CROCC2: variants seen among roughly 807,000 people sequenced by gnomAD.
CROCC2 encodes the protein ciliary rootlet coiled-coil protein 2.
In CROCC2, 163 loss-of-function variants were observed where a neutral mutation model predicts 177.6. That is an observed-to-expected ratio of 0.92 (90% CI 0.81 to 1.05). The LOEUF (loss-of-function observed/expected upper bound fraction) is 1.05, where lower values mean the gene tolerates loss of function less well. Ranked by LOEUF, CROCC2 falls within the 50% of genes least tolerant of loss-of-function variation. The pLI is 0.00. For missense variants in CROCC2, 1,929 were observed against 1,797.8 expected, an observed-to-expected ratio of 1.07 and a Z score of -1.32; for synonymous variants, 904 against 787.3, an observed-to-expected ratio of 1.15 and a Z score of -2.48.
At chr2:240,955,480 T>C in intron 18 of CROCC2, 1 of 188,306 alleles carries the variant, frequency 5.3e-6, no homozygotes. Context: ...CTTTCTTCTC[T>C]GCACTGCATC....
At chr2:240,956,746 C>T (rs1306883435) in intron 19 of CROCC2, among the ~76,000 whole-genome samples, 1 of 152,188 alleles carries the variant, frequency 6.6e-6, no homozygotes, top group African/African-American at 2.4e-5. Flanking sequence ...CCTGTGCCTC[C>T]AGCTCATGGG....
At chr2:240,968,059 G>T in intron 26 of CROCC2, 70 bp from the exon 27 acceptor site, 1 of 1,357,944 alleles carries the variant, frequency 7.4e-7, no homozygotes, top group South Asian at 1.8e-5. Context: ...AGTCCACAGA[G>T]CCCTGCATTG....
chr2:240,971,706 TA>T (rs201655904), intron 27 of CROCC2, among the ~76,000 whole-genome samples: 3 of 151,948 alleles, frequency 2.0e-5, no homozygotes, highest in Non-Finnish European at 4.4e-5. Flanking sequence ...CCTTCCACTG[TA>T]AAAAAAACAT....
At chr2:240,913,231 C>A (rs1559587191) in intron 1 of CROCC2, among the ~76,000 whole-genome samples, 2 of 151,080 alleles carry the variant, frequency 1.3e-5, no homozygotes, top group Admixed American at 1.3e-4. Flanking sequence ...CTCCCCCAGA[C>A]CCTGCACAGA....
intron 5 of CROCC2, chr2:240,929,615 A>G: frequency 6.6e-6 from 3 of 454,300 alleles, no homozygotes; most frequent in Non-Finnish European, 1.3e-5. Context: ...ACCCAGTGCT[A>G]GAGGCTTCTA....
intron 14 of CROCC2, among the ~76,000 whole-genome samples, chr2:240,943,482 C>CTTTT (rs374737398): frequency 2.9e-5 from 4 of 136,630 alleles, no homozygotes; most frequent in Non-Finnish European, 3.2e-5. Flanking sequence ...TTAGCTAAAG[C>CTTTT]TTTTTTTTTT....
At chr2:240,983,365 C>G in intron 28 of CROCC2, 7 of 1,296,356 alleles carry the variant, frequency 5.4e-6, no homozygotes, top group Non-Finnish European at 7.0e-6. Flanking sequence ...ATGGAACGAC[C>G]CCGCTCTCAG....
chr2:240,968,136 C>T lies in CROCC2; in HGVS notation c.4275C>T (p.Arg1425=), dbSNP rs1389346602. 1 of 1,485,230 alleles carries T rather than the reference C, an allele frequency of 6.7e-7. No individual in the cohort carries two copies. Among genetic ancestry groups the T allele is most frequent in the Non-Finnish European group, 8.9e-7 (1 of 1,120,382 alleles). 92.0% of individuals were successfully genotyped at this position (1,485,230 alleles called of 1,614,324 possible). A position where few individuals can be genotyped will look rare whatever the true frequency, so the allele number is the denominator to read the frequency against. ...KALAEAEEGQ[R]RVEGALSSAR... ...ACCCTGCTTGCCCCACAGGCCAGCG[C>T]CGGGTGGAGGGCGCGCTGAGCAGCG... Residue 1425 remains arginine, a synonymous_variant, in exon 27 of 32, where the codon CGC becomes CGT. Transcript: ENST00000690015.
At chr2:240,931,600 C>T (rs1267120221) in intron 7 of CROCC2, among the ~76,000 whole-genome samples, 1 of 152,236 alleles carries the variant, frequency 6.6e-6, no homozygotes. Context: ...CCACCACCCA[C>T]ATCGGGGGCT....
chr2:240,932,659 T>G (rs1236510502), intron 8 of CROCC2, 43 bp from the exon 9 acceptor site: 1 of 719,800 alleles, frequency 1.4e-6, no homozygotes, highest in African/African-American at 1.7e-5. Flanking sequence ...ATCATGGCCC[T>G]GTGCTCTGGG....
chr2:240,944,959 G>C (rs539222816), intron 14 of CROCC2, among the ~76,000 whole-genome samples: 5 of 152,182 alleles, frequency 3.3e-5, no homozygotes, highest in Non-Finnish European at 7.4e-5. Context: ...GTTTTTGAGA[G>C]AGGGTCTCAC....
At chr2:240,959,604 T>A (rs529009293) in intron 20 of CROCC2, 160 bp downstream of exon 20, 4 of 958,038 alleles carry the variant, frequency 4.2e-6, no homozygotes, top group Non-Finnish European at 4.5e-6. Flanking sequence ...CAAACAGCCA[T>A]AGGGGCATGG....
rs571040722 is a variant in CROCC2, at chr2:240,918,653, A to G, written c.79-73A>G. 2 of 512,900 alleles carry G rather than the reference A, an allele frequency of 3.9e-6. No individual in the cohort carries two copies. The highest frequency in any genetic ancestry group is 3.4e-5 in the East Asian group (1 of 29,012). The allele number at this position is 512,900 out of a possible 1,614,324, so 31.8% of individuals were successfully genotyped here. ...GGTGGCCCTGTGGCGGCTCCCATTC[A>G]GTGGGATCGTAGAGGGTGCCTGGCA... is the stretch of plus-strand genomic sequence containing the variant. On this transcript the variant is annotated intron_variant, in intron 1 of 31. Transcript: ENST00000690015. This position sits in a 1 kb window ranked among gnomAD's most constrained non-coding sequence, Gnocchi z 6.3.
At chr2:240,976,164 A>G (rs1434951362) in intron 27 of CROCC2, among the ~76,000 whole-genome samples, 6 of 151,830 alleles carry the variant, frequency 4.0e-5, no homozygotes, top group Non-Finnish European at 7.4e-5. Context: ...CTGGGGTAGG[A>G]GCCTCAGAAG....
chr2:240,930,175 G>A lies in CROCC2; in HGVS notation c.655G>A (p.Gly219Arg). Residue 219 changes from glycine to arginine, a missense_variant, in exon 6 of 32, where the codon GGG (glycine) becomes AGG (arginine). Coordinates refer to ENST00000690015, the MANE Select transcript of CROCC2 (RefSeq NM_001351305.2). ...RRWAQRQTRSGGLGQPRDLLL... is the reference protein window; with the variant it reads ...RRWAQRQTRSRGLGQPRDLLL... ...GGCCTCTTGCTTTCAGACCCGGTCAGGGGGCCTGGGGCAGCCCCGGGACCT... is the reference window on the plus strand; with the variant it reads ...GGCCTCTTGCTTTCAGACCCGGTCAAGGGGCCTGGGGCAGCCCCGGGACCT... 2 of 558,264 alleles carry A rather than the reference G, an allele frequency of 3.6e-6. No individual in the cohort carries two copies. The highest frequency in any genetic ancestry group is 2.6e-5 in the South Asian group (1 of 38,828). 34.6% of individuals were successfully genotyped at this position (558,264 alleles called of 1,614,324 possible).
chr2:240,956,974 C>T (rs2059595293), intron 19 of CROCC2, among the ~76,000 whole-genome samples: 1 of 152,166 alleles, frequency 6.6e-6, no homozygotes, highest in Non-Finnish European at 1.5e-5. Flanking sequence ...ACAGCAGGAT[C>T]TCCAAGGGCC....
intron 21 of CROCC2, chr2:240,964,100 C>A: frequency 1.9e-6 from 1 of 536,382 alleles, no homozygotes; most frequent in Non-Finnish European, 3.3e-6. Flanking sequence ...CTGGCTGGGG[C>A]TCTAGAAAGG....
rs1342748568 is a variant in CROCC2 at position 240,932,410 on chromosome 2, AC to A, written c.1042del (p.Leu348TrpfsTer27). ...TIAALRTDLQ[N>X]LVAQEDARCL... ...GCTGCCCTCAGAACCGACCTGCAGA[AC>A]CTGGTTGGTGGGCAGGACGGGGGTG... On this transcript the variant is annotated frameshift_variant, in exon 8 of 32. Transcript: ENST00000690015. LOFTEE classifies it high-confidence loss of function. 1 of 717,352 alleles carries A rather than the reference AC, an allele frequency of 1.4e-6. No homozygotes were observed. The highest frequency in any genetic ancestry group is 1.5e-5 in the South Asian group (1 of 67,600). The allele number at this position is 717,352 out of a possible 1,614,324, so 44.4% of individuals were successfully genotyped here.
At chr2:240,950,896 T>G in intron 18 of CROCC2, 1 of 170,788 alleles carries the variant, frequency 5.9e-6, no homozygotes, top group East Asian at 1.6e-4. Flanking sequence ...TCCATCCATT[T>G]ATCCATCCAT....
Sources: gnomAD v4.1 joint callset for allele counts (sites outside exome capture counted in the v4.1 genomes callset) on GRCh38, gnomAD v4.1.1 for gene constraint, Gnocchi (gnomAD v3.1) non-coding constraint, MANE v1.5 for transcripts, NCBI Gene and HGNC (gene_info 2026-07-23, HGNC 2026-07-21) for gene names.